SNX13: variants seen among roughly 807,000 people sequenced by gnomAD.
SNX13 encodes the protein sorting nexin-13.
Under a neutral mutation model 133.6 loss-of-function variants are expected in SNX13, and 45 were observed. The observed-to-expected ratio is 0.34, with a 90% CI of 0.27 to 0.43. SNX13 has a LOEUF of 0.43. Among genes scored for constraint, SNX13 ranks in the 20% least tolerant of loss-of-function variants. The pLI is 1.00. For missense variants in SNX13, 1,032 were observed against 1,145.1 expected (o/e 0.90, Z 1.43); for synonymous variants, 414 against 373.9 (o/e 1.11, Z -1.24).
intron 13 of SNX13, among the ~76,000 whole-genome samples, chr7:17,837,834 A>AT (rs768633108): frequency 9.5e-4 from 139 of 146,406 alleles, no homozygotes; most frequent in African/African-American, 2.5e-3. Context: ...CTGGTGACAC[A>AT]TTTTTTTTTT....
chr7:17,926,780 G>C (rs538774680), intron 1 of SNX13, among the ~76,000 whole-genome samples: 3 of 152,146 alleles, frequency 2.0e-5, no homozygotes, highest in Admixed American at 6.5e-5. Flanking sequence ...CAGCTACTTG[G>C]GGGGCTGAGG....
intron 1 of SNX13, among the ~76,000 whole-genome samples, chr7:17,898,502 T>G (rs1053559247): frequency 6.6e-6 from 1 of 152,126 alleles, no homozygotes; most frequent in Admixed American, 6.6e-5. Flanking sequence ...CAGCTCAAGG[T>G]AGTGGGGATA....
chr7:17,794,055 T>C lies in SNX13; in HGVS notation c.2864A>G (p.Gln955Arg). The change falls in exon 26 of 26, where the codon CAG (glutamine) becomes CGG (arginine). Residue 955 changes from glutamine to arginine, a missense_variant. Physicochemically the swap from Gln to Arg is conservative, Grantham distance 43 (BLOSUM62 1). Coordinates refer to ENST00000428135, the MANE Select transcript of SNX13 (RefSeq NM_015132.5). ...TCATAGAGTGGAGTGTCACCTTTTC[T>C]GCAAAGAAGGCGCTTGAGTAGTTTG... ...KLQTTQAPSL[Q>R]KR 6.2e-7 allele frequency: 1 copy of C among 1,611,122 alleles called. No homozygotes were observed. The highest frequency in any genetic ancestry group is 8.5e-7 in the Non-Finnish European group (1 of 1,178,016).
chr7:17,804,442 C>T lies in SNX13; in HGVS notation c.2065-862G>A, dbSNP rs560926410. On this transcript the variant is annotated intron_variant, in intron 20 of 25. Coordinates refer to ENST00000428135, the MANE Select transcript of SNX13 (RefSeq NM_015132.5). ...TACAGAAGAAATTTGAAGTTCATTA[C>T]AAAGAAGGAAAAGAGACGTTGCAAA... 1.3e-4 allele frequency among the ~76,000 whole-genome samples: 19 copies of T among 151,836 alleles called. No homozygotes were observed. In the South Asian group the frequency reaches 3.7e-3, roughly 30 times the overall value.
In SNX13 at chr7:17,839,853, A is replaced by C. The variant is rs567602870; in HGVS notation, c.1313T>G (p.Leu438Ter). ...ATAAATTCCAACAGCAGCTGCTCTT[A>C]AAAGACCTTTGGTTTGGTTGGTTTG... ...KHQTNQTKGL[L>*]RAAAVGIYEQ... The change falls in exon 13 of 26, where the codon TTA becomes TGA. Residue 438 changes from leucine (L) to a stop codon, truncating the protein, a stop_gained. Coordinates refer to ENST00000428135, the MANE Select transcript of SNX13 (RefSeq NM_015132.5). LOFTEE classifies it high-confidence loss of function. 6.2e-7 allele frequency: 1 copy of C among 1,611,356 alleles called. No homozygotes were observed. The highest frequency in any genetic ancestry group is 1.3e-5 in the African/African-American group (1 of 74,832).
intron 12 of SNX13, among the ~76,000 whole-genome samples, chr7:17,841,580 A>ACACACACG (rs774602771): frequency 8.6e-5 from 13 of 151,390 alleles, no homozygotes; most frequent in Non-Finnish European, 1.3e-4. Context: ...ACACACACAC[A>ACACACACG]CACGCACACA....
intron 9 of SNX13, among the ~76,000 whole-genome samples, chr7:17,857,892 G>A (rs1048071163): frequency 1.3e-5 from 2 of 152,150 alleles, no homozygotes; most frequent in Non-Finnish European, 2.9e-5. Context: ...AAATCGATAA[G>A]CATAATACAT....
chr7:17,816,335 G>A, intron 18 of SNX13, 46 bp from the exon 19 acceptor site: 2 of 1,506,448 alleles, frequency 1.3e-6, no homozygotes, highest in Non-Finnish European at 1.8e-6. Flanking sequence ...AAAGACAAAA[G>A]GTTTTCCCAA....
intron 2 of SNX13, among the ~76,000 whole-genome samples, chr7:17,896,781 AATT>A (rs1797259029): frequency 6.6e-6 from 1 of 152,124 alleles, no homozygotes. Context: ...AGCTACAATA[AATT>A]ATGACTGAAA....
At chr7:17,855,734 C>G (rs1016934460) in intron 9 of SNX13, among the ~76,000 whole-genome samples, 1 of 152,176 alleles carries the variant, frequency 6.6e-6, no homozygotes, top group Non-Finnish European at 1.5e-5. Context: ...CCTGGTCGCC[C>G]CAGAGCTCTG....
rs541387327 is a variant in SNX13 at position 17,792,867 on chromosome 7, A to G, written c.*1178T>C. Reference sequence around the variant, plus strand: ...AGAGAAAGTATTTTATTTTATTGATATAAAATTAATTTATGGGTTTAAAGG... The same window carrying G: ...AGAGAAAGTATTTTATTTTATTGATGTAAAATTAATTTATGGGTTTAAAGG... On this transcript the variant is annotated 3_prime_UTR_variant, in exon 26 of 26. Transcript: ENST00000428135. 31 of 152,472 alleles carry G rather than the reference A, an allele frequency of 2.0e-4. No individual in the cohort carries two copies. The highest frequency in any genetic ancestry group is 7.5e-4 in the African/African-American group (31 of 41,552). The allele number at this position is 152,472 out of a possible 1,614,324, so 9.4% of individuals were successfully genotyped here.
intron 1 of SNX13, among the ~76,000 whole-genome samples, chr7:17,913,602 A>G (rs1799228570): frequency 6.6e-6 from 1 of 152,126 alleles, no homozygotes; most frequent in African/African-American, 2.4e-5. Context: ...ATATGAATTT[A>G]TCTGCAACCA....
intron 17 of SNX13, among the ~76,000 whole-genome samples, chr7:17,823,963 A>T (rs987220933): frequency 1.3e-5 from 2 of 152,172 alleles, no homozygotes; most frequent in Non-Finnish European, 2.9e-5. Context: ...GGCTTGGAAG[A>T]TCACCCAGGG....
chr7:17,819,787 T>C (rs1787076650), intron 18 of SNX13, among the ~76,000 whole-genome samples: 1 of 152,130 alleles, frequency 6.6e-6, no homozygotes, highest in African/African-American at 2.4e-5. Flanking sequence ...TAAAACCTGA[T>C]TTTCATTTAA....
At chr7:17,894,799 A>C (rs921002472) in intron 2 of SNX13, among the ~76,000 whole-genome samples, 8 of 152,206 alleles carry the variant, frequency 5.3e-5, no homozygotes, top group African/African-American at 1.9e-4. Flanking sequence ...AAATATTGTC[A>C]GTCTCAACTA....
chr7:17,862,922 A>G (rs2128339261), intron 9 of SNX13, among the ~76,000 whole-genome samples: 1 of 152,308 alleles, frequency 6.6e-6, no homozygotes, highest in Non-Finnish European at 1.5e-5. Flanking sequence ...CATAATATCA[A>G]GGAAAGTGGC....
intron 5 of SNX13, among the ~76,000 whole-genome samples, chr7:17,878,094 T>C (rs1221414841): frequency 6.6e-6 from 1 of 152,154 alleles, no homozygotes; most frequent in Non-Finnish European, 1.5e-5. Flanking sequence ...TAAGAAATAT[T>C]TCATTTATGT....
At chr7:17,857,549 C>G (rs1171974580) in intron 9 of SNX13, among the ~76,000 whole-genome samples, 1 of 152,146 alleles carries the variant, frequency 6.6e-6, no homozygotes, top group Non-Finnish European at 1.5e-5. Flanking sequence ...CTTTGGGAGG[C>G]CGAGGTGGCG....
Position 17,875,750 on chromosome 7 carries a change from T to C in SNX13, c.481A>G (p.Ile161Val). ...AAGTGTGTGCCAAAGTCATCTACAA[T>C]GCGTGTAGTAAAATAAGGTTGCCAG... ...IDWQPYFTTRIVDDFGTHLRV... is the reference protein window; with the variant it reads ...IDWQPYFTTRVVDDFGTHLRV... Residue 161 changes from isoleucine to valine, a missense_variant, in exon 6 of 26, where the codon ATT becomes GTT. Transcript: ENST00000428135. 1 of 1,611,474 alleles carries C rather than the reference T, an allele frequency of 6.2e-7. No individual in the cohort carries two copies. Among genetic ancestry groups the C allele is most frequent in the Non-Finnish European group, 8.5e-7 (1 of 1,178,510 alleles).
Sources: allele counts gnomAD v4.1 joint callset (sites outside exome capture counted in the v4.1 genomes callset), GRCh38; gene constraint gnomAD v4.1.1; transcripts MANE v1.5; gene names NCBI Gene and HGNC (gene_info 2026-07-23, HGNC 2026-07-21).